Variants in FGF23 observed in about 807,000 individuals in gnomAD.
FGF23 encodes the protein phosphatonin.
In FGF23, 8 loss-of-function variants were observed where a neutral mutation model predicts 9.0. That is an observed-to-expected ratio of 0.89 (90% CI 0.52 to 1.60). The LOEUF is 1.60. FGF23 is among the 40% of genes most tolerant of loss of function. FGF23 has a pLI of 0.00. For missense variants in FGF23, 311 were observed against 344.3 expected (o/e 0.90, Z 0.77); for synonymous variants, 118 against 146.2 (o/e 0.81, Z 1.39).
intron 2 of FGF23, 98 bp from the exon 3 acceptor site, chr12:4,370,881 A>G: frequency 9.8e-7 from 1 of 1,025,574 alleles, no homozygotes; most frequent in Non-Finnish European, 1.5e-6. Context: ...AGCCGGCCTG[A>G]AGCTCTGCAG....
In FGF23 at chr12:4,369,264, T is replaced by C. The variant is rs13312798; in HGVS notation, c.*1079A>G. The C allele has an allele frequency of 8.4e-3, 1,935 of 231,428 alleles. 44 individuals are homozygous for C. The highest frequency in any genetic ancestry group is 0.039 in the African/African-American group (1,785 of 45,346). 14.3% of individuals were successfully genotyped at this position (231,428 alleles called of 1,614,324 possible). ...CCTGATTTCTTTCCCCCTGAGTCCT[T>C]GATGCCACTTCATTTAGAGAAAAGG... On this transcript the variant is annotated 3_prime_UTR_variant, in exon 3 of 3. Transcript: ENST00000237837.
In FGF23 at chr12:4,379,628, T is replaced by G; in HGVS notation, c.-46A>C. On this transcript the variant is annotated 5_prime_UTR_variant, in exon 1 of 3. Transcript: ENST00000237837. The stretch of plus-strand genomic sequence containing the variant: ...TGGTGCTGAGATTGAAACCTGACAC[T>G]CCTGTCGGGACTCTCCTGGCCCAGG... 6.7e-7 allele frequency: 1 copy of G among 1,495,822 alleles called. No homozygotes were observed. Among genetic ancestry groups the G allele is most frequent in the Non-Finnish European group, 9.1e-7 (1 of 1,103,986 alleles). 92.7% of individuals were successfully genotyped at this position (1,495,822 alleles called of 1,614,324 possible).
At chr12:4,374,386 A>G (rs1445659543) in intron 1 of FGF23, among the ~76,000 whole-genome samples, 1 of 152,220 alleles carries the variant, frequency 6.6e-6, no homozygotes, top group South Asian at 2.1e-4. Context: ...GCGGTGGCTC[A>G]TGCCTGTAAT....
chr12:4,369,271 A>T lies in FGF23; in HGVS notation c.*1072T>A, dbSNP rs1865035113. The stretch of plus-strand genomic sequence containing the variant: ...TCTTTCCCCCTGAGTCCTTGATGCC[A>T]CTTCATTTAGAGAAAAGGACACGAT... On this transcript the variant is annotated 3_prime_UTR_variant, in exon 3 of 3. Coordinates refer to ENST00000237837, the MANE Select transcript of FGF23 (RefSeq NM_020638.3). 1 of 231,316 alleles carries T rather than the reference A, an allele frequency of 4.3e-6. No individual in the cohort carries two copies. The highest frequency in any genetic ancestry group is 8.6e-6 in the Non-Finnish European group (1 of 116,952). The allele number at this position is 231,316 out of a possible 1,614,324, so 14.3% of individuals were successfully genotyped here.
At chr12:4,372,181 TG>T (rs997226290) in intron 2 of FGF23, among the ~76,000 whole-genome samples, 1 of 64,418 alleles carries the variant, frequency 1.6e-5, no homozygotes, top group African/African-American at 6.4e-5. Flanking sequence ...TGTTGTGGGG[TG>T]GGGGGAGGGG....
chr12:4,377,446 T>TTTG (rs1865129299), intron 1 of FGF23, among the ~76,000 whole-genome samples: 1 of 140,766 alleles, frequency 7.1e-6, no homozygotes, highest in African/African-American at 2.7e-5. Flanking sequence ...TTTTTTTTTT[T>TTTG]TTGAGATGGA....
intron 1 of FGF23, among the ~76,000 whole-genome samples, chr12:4,378,062 T>G (rs1865137936): frequency 6.6e-6 from 1 of 152,210 alleles, no homozygotes; most frequent in South Asian, 2.1e-4. Context: ...TGGAACCTGT[T>G]TGGTATTCGG....
rs1389129720 is a variant in FGF23, at chr12:4,379,466, C to T, written c.117G>A (p.Leu39=). The change falls in exon 1 of 3, where the codon CTG becomes CTA. Residue 39 remains leucine (L), a synonymous_variant. Transcript: ENST00000237837. ...TGGCTGTGGCTGTGTACAGGTGGAT[C>T]AGGCCACCCCAGCTGGAGCCGAGCA... The part of the protein sequence containing the change: ...SPLLGSSWGG[L]IHLYTATARN... The T allele has an allele frequency of 4.3e-6, 7 of 1,613,366 alleles. No homozygotes were observed. The highest frequency in any genetic ancestry group is 5.9e-6 in the Non-Finnish European group (7 of 1,180,024).
chr12:4,370,837 T>C lies in FGF23; in HGVS notation c.316-54A>G. On this transcript the variant is annotated intron_variant, in intron 2 of 2. Coordinates refer to ENST00000237837, the MANE Select transcript of FGF23 (RefSeq NM_020638.3). The stretch of plus-strand genomic sequence containing the variant: ...GGCTGGCAGTGGGGGCCCCACCCAC[T>C]CCCCAGCTCCTCCTGGGGCCACATG... 3 of 1,456,514 alleles carry C rather than the reference T, an allele frequency of 2.1e-6. No homozygotes were observed. The Admixed American group carries it at 5.0e-5, about 24-fold the overall frequency. 90.2% of individuals were successfully genotyped at this position (1,456,514 alleles called of 1,614,324 possible).
Position 4,377,409 on chromosome 12 carries a change from A to C in FGF23, c.211+1963T>G, listed in dbSNP as rs181504188. 5.5e-3 allele frequency among the ~76,000 whole-genome samples: 819 copies of C among 150,074 alleles called. 10 individuals are homozygous for C. Among genetic ancestry groups the C allele is most frequent in the Middle Eastern group, 0.024 (7 of 288 alleles). The stretch of plus-strand genomic sequence containing the variant: ...CCATAATCTACTATTCTGCATTTTA[A>C]ATCACATATAGTCTTTTTTTTTTTT... On this transcript the variant is annotated intron_variant, in intron 1 of 2. Coordinates refer to ENST00000237837, the MANE Select transcript of FGF23 (RefSeq NM_020638.3).
Position 4,372,585 on chromosome 12 carries a change from GA to G in FGF23, c.315+8del. On this transcript the variant is annotated splice_region_variant and intron_variant, in intron 2 of 2. Transcript: ENST00000237837. Reference sequence around the variant, plus strand: ...TGCAAATGGTGACCAACACAAAAAAGAAACTCACTGATCCAAAAATGTTGCC... The same window carrying G: ...TGCAAATGGTGACCAACACAAAAAAGAACTCACTGATCCAAAAATGTTGCC... 2 of 1,552,234 alleles carry G rather than the reference GA, an allele frequency of 1.3e-6. No homozygotes were observed. The highest frequency in any genetic ancestry group is 8.9e-7 in the Non-Finnish European group (1 of 1,123,650).
At chr12:4,373,774 C>G (rs1383442793) in intron 1 of FGF23, among the ~76,000 whole-genome samples, 1 of 152,192 alleles carries the variant, frequency 6.6e-6, no homozygotes, top group Non-Finnish European at 1.5e-5. Flanking sequence ...CTGACATTTT[C>G]TGTTAAAAAT....
At chr12:4,376,708 AG>A (rs1865119882) in intron 1 of FGF23, among the ~76,000 whole-genome samples, 1 of 152,052 alleles carries the variant, frequency 6.6e-6, no homozygotes, top group African/African-American at 2.4e-5. Context: ...TAGTAGAGAC[AG>A]GGTTTCCCCA....
intron 2 of FGF23, among the ~76,000 whole-genome samples, chr12:4,371,004 G>T (rs1395595443): frequency 6.6e-6 from 1 of 152,178 alleles, no homozygotes; most frequent in African/African-American, 2.4e-5. Flanking sequence ...CGACTACTGG[G>T]GCCTCCGCTT....
At chr12:4,374,645 G>A (rs778665659) in intron 1 of FGF23, among the ~76,000 whole-genome samples, 2 of 113,728 alleles carry the variant, frequency 1.8e-5, no homozygotes, top group African/African-American at 3.0e-5. Flanking sequence ...GCGAGACTCC[G>A]TCTCAAAAAA....
At position 4,370,591 on chromosome 12, in the gene FGF23, TGAA is replaced by T. The variant is rs1208015382; in HGVS notation, c.505_507del (p.Phe169del). 6.2e-7 allele frequency: 1 copy of T among 1,613,498 alleles called. No homozygotes were observed. Among genetic ancestry groups the T allele is most frequent in the Non-Finnish European group, 8.5e-7 (1 of 1,179,820 alleles). On this transcript the variant is annotated inframe_deletion, in exon 3 of 3. Transcript: ENST00000237837. ...GTGTGCCGCCGTGGTATGGGGGTGTTGAAGTGAATTAGGGGGATCTCGTTCCTC... is the reference window on the plus strand; with the variant it reads ...GTGTGCCGCCGTGGTATGGGGGTGTTGTGAATTAGGGGGATCTCGTTCCTC...
Position 4,370,694 on chromosome 12 carries a change from C to A in FGF23, c.405G>T (p.Leu135=). 6.2e-7 allele frequency: 1 copy of A among 1,614,146 alleles called. No homozygotes were observed. The highest frequency in any genetic ancestry group is 8.5e-7 in the Non-Finnish European group (1 of 1,180,016). The change falls in exon 3 of 3, where the codon CTG becomes CTT. Residue 135 remains leucine (L), a synonymous_variant. Coordinates refer to ENST00000237837, the MANE Select transcript of FGF23 (RefSeq NM_020638.3). The part of the protein sequence containing the change: ...DVYHSPQYHF[L]VSLGRAKRAF... ...CTCTCTTCGCCCGGCCCAGACTGACCAGGAAGTGATACTGAGGAGAGTGGT... is the reference window on the plus strand; with the variant it reads ...CTCTCTTCGCCCGGCCCAGACTGACAAGGAAGTGATACTGAGGAGAGTGGT...
rs890508869 is a variant in FGF23, at chr12:4,369,926, C to T, written c.*417G>A. 1 of 225,490 alleles carries T rather than the reference C, an allele frequency of 4.4e-6. No homozygotes were observed. The highest frequency in any genetic ancestry group is 2.4e-5 in the African/African-American group (1 of 41,950). The allele number at this position is 225,490 out of a possible 1,614,324, so 14.0% of individuals were successfully genotyped here. Reference sequence around the variant, plus strand: ...GAGAAGCTTCTGGGATCTCCGATTTCCTCTTCCCTACACCTTCAAAGTCTT... The same window carrying T: ...GAGAAGCTTCTGGGATCTCCGATTTTCTCTTCCCTACACCTTCAAAGTCTT... On this transcript the variant is annotated 3_prime_UTR_variant, in exon 3 of 3. Coordinates refer to ENST00000237837, the MANE Select transcript of FGF23 (RefSeq NM_020638.3).
chr12:4,378,709 C>G (rs933037983), intron 1 of FGF23, among the ~76,000 whole-genome samples: 1 of 150,560 alleles, frequency 6.6e-6, no homozygotes, highest in South Asian at 2.2e-4. Context: ...GTCTGAAACA[C>G]CCATTAAACC....
Sources: gnomAD v4.1 joint callset for allele counts (sites outside exome capture counted in the v4.1 genomes callset) on GRCh38, gnomAD v4.1.1 for gene constraint, MANE v1.5 for transcripts, NCBI Gene and HGNC (gene_info 2026-07-23, HGNC 2026-07-21) for gene names.